The following SUMF1 variants were observed in gnomAD, a reference collection of about 807,000 sequenced individuals.
The protein encoded by SUMF1 is formylglycine-generating enzyme.
In SUMF1, 48 loss-of-function variants were observed where a neutral mutation model predicts 47.6. The observed-to-expected ratio is 1.01, with a 90% CI of 0.80 to 1.28. The LOEUF (loss-of-function observed/expected upper bound fraction) is 1.28. SUMF1 is among the 50% of genes most tolerant of loss of function. The pLI is 0.00. For missense variants in SUMF1, 571 were observed against 485.4 expected (o/e 1.18, Z -1.66); for synonymous variants, 230 against 192.1 (o/e 1.20, Z -1.63).
At chr3:4,231,789 ATGC>A (rs1559592828) in intron 8 of SUMF1, among the ~76,000 whole-genome samples, 1 of 152,150 alleles carries the variant, frequency 6.6e-6, no homozygotes, top group Non-Finnish European at 1.5e-5. Flanking sequence ...GTAAATATGT[ATGC>A]TACATGGGTA....
chr3:4,202,636 T>A (rs1457377143), intron 8 of SUMF1, among the ~76,000 whole-genome samples: 1 of 152,090 alleles, frequency 6.6e-6, no homozygotes, highest in Admixed American at 6.6e-5. Flanking sequence ...TTTCTATTTC[T>A]GTGAAGAATG....
intron 8 of SUMF1, among the ~76,000 whole-genome samples, chr3:4,080,595 A>G (rs1692538477): frequency 6.6e-6 from 1 of 152,200 alleles, no homozygotes; most frequent in Non-Finnish European, 1.5e-5. Flanking sequence ...TTAAGCATCC[A>G]AACAATGTTC....
chr3:4,101,864 T>C (rs769174390), intron 8 of SUMF1, among the ~76,000 whole-genome samples: 74 of 152,240 alleles, frequency 4.9e-4, no homozygotes, highest in Non-Finnish European at 9.1e-4. Flanking sequence ...GGGTAATTTA[T>C]AAAGGAAAGA....
chr3:4,283,177 G>T (rs920371538), intron 8 of SUMF1, among the ~76,000 whole-genome samples: 1 of 152,110 alleles, frequency 6.6e-6, no homozygotes, highest in Non-Finnish European at 1.5e-5. Flanking sequence ...GTTCCTTTTC[G>T]TTCCAATCTC....
At chr3:4,094,010 C>T (rs1298154863) in intron 8 of SUMF1, among the ~76,000 whole-genome samples, 1 of 151,976 alleles carries the variant, frequency 6.6e-6, no homozygotes, top group Non-Finnish European at 1.5e-5. Flanking sequence ...TACAGTAAGG[C>T]CCTGGTCCTG....
chr3:4,407,575 G>A (rs1274691844), intron 7 of SUMF1, among the ~76,000 whole-genome samples: 2 of 152,124 alleles, frequency 1.3e-5, no homozygotes, highest in African/African-American at 4.8e-5. Flanking sequence ...TTATTGTAGG[G>A]TCAATAATTA....
intron 8 of SUMF1, among the ~76,000 whole-genome samples, chr3:4,369,686 T>A (rs527940916): frequency 6.6e-6 from 1 of 152,278 alleles, no homozygotes; most frequent in South Asian, 2.1e-4. Context: ...GAATGGCCAA[T>A]ACAGGTTGCT....
intron 8 of SUMF1, among the ~76,000 whole-genome samples, chr3:4,078,317 T>C (rs1186186011): frequency 8.5e-3 from 1 of 118 alleles, no homozygotes; most frequent in African/African-American, 0.029. Context: ...TAGGCCAAGC[T>C]TGCTAAACTC....
chr3:4,293,209 C>A (rs73806984), intron 8 of SUMF1, among the ~76,000 whole-genome samples: 6,643 of 152,116 alleles, frequency 0.044, 484 homozygotes, highest in African/African-American at 0.15. Flanking sequence ...TAATATGTAA[C>A]TGGAAGTGGA....
At chr3:4,298,046 A>AT (rs555232406) in intron 8 of SUMF1, among the ~76,000 whole-genome samples, 1 of 152,128 alleles carries the variant, frequency 6.6e-6, no homozygotes, top group East Asian at 1.9e-4. Flanking sequence ...TTTTCTTTTT[A>AT]TTTTTTTATT....
chr3:4,423,848 A>G (rs955575053), intron 3 of SUMF1, among the ~76,000 whole-genome samples: 1 of 152,050 alleles, frequency 6.6e-6, no homozygotes, highest in Non-Finnish European at 1.5e-5. Flanking sequence ...TCAAAAGTGT[A>G]TGGCGCCTCC....
intron 8 of SUMF1, among the ~76,000 whole-genome samples, chr3:4,229,015 G>GTTA (rs752737187): frequency 7.2e-5 from 11 of 152,108 alleles, no homozygotes; most frequent in Non-Finnish European, 1.3e-4. Context: ...TAACCACAGT[G>GTTA]TTATGTGACC....
At chr3:4,210,128 C>A (rs1486725803) in intron 8 of SUMF1, among the ~76,000 whole-genome samples, 2 of 152,112 alleles carry the variant, frequency 1.3e-5, no homozygotes, top group African/African-American at 4.8e-5. Flanking sequence ...CTCCTGACCT[C>A]AAGTGATCTG....
chr3:4,121,082 A>C (rs1693530187), intron 8 of SUMF1, among the ~76,000 whole-genome samples: 1 of 152,170 alleles, frequency 6.6e-6, no homozygotes, highest in African/African-American at 2.4e-5. Flanking sequence ...GGTAATAAAC[A>C]GCAACAACGC....
At chr3:4,202,206 A>G (rs1695554734) in intron 8 of SUMF1, among the ~76,000 whole-genome samples, 1 of 151,674 alleles carries the variant, frequency 6.6e-6, no homozygotes, top group Admixed American at 6.6e-5. Flanking sequence ...AGTTTCTCCA[A>G]TTTTTTCTTT....
chr3:4,150,978 A>G (rs1192928611), intron 8 of SUMF1, among the ~76,000 whole-genome samples: 2 of 151,420 alleles, frequency 1.3e-5, no homozygotes, highest in Admixed American at 1.3e-4. Flanking sequence ...TTTCCTCTGG[A>G]ACACCAAGGG....
At chr3:4,405,710 T>C (rs1291952164) in intron 7 of SUMF1, among the ~76,000 whole-genome samples, 3 of 152,122 alleles carry the variant, frequency 2.0e-5, no homozygotes, top group South Asian at 2.1e-4. Context: ...ATTCCATACA[T>C]CAAACAACCC....
chr3:4,133,844 G>A (rs1297796576), intron 8 of SUMF1, among the ~76,000 whole-genome samples: 3 of 151,978 alleles, frequency 2.0e-5, no homozygotes, highest in Admixed American at 6.6e-5. Context: ...TCCCTCTAGA[G>A]AACTCTGACT....
chr3:4,394,086 G>T (rs781128290), intron 7 of SUMF1, among the ~76,000 whole-genome samples: 1 of 152,078 alleles, frequency 6.6e-6, no homozygotes, highest in South Asian at 2.1e-4. Context: ...GGTTTTTTTT[G>T]AGATTTGATA....
Sources: allele counts gnomAD v4.1 joint callset (sites outside exome capture counted in the v4.1 genomes callset), GRCh38; gene constraint gnomAD v4.1.1; transcripts MANE v1.5; gene names NCBI Gene and HGNC (gene_info 2026-07-23, HGNC 2026-07-21).